LRBA: variants seen among roughly 807,000 people sequenced by gnomAD.
The protein encoded by LRBA is lipopolysaccharide-responsive and beige-like anchor protein.
LRBA carries 176 observed loss-of-function variants against 330.0 expected under a neutral mutation model. The observed-to-expected ratio is 0.53, with a 90% CI of 0.47 to 0.60. LRBA has a LOEUF of 0.60. Among genes scored for constraint, LRBA ranks in the 20% least tolerant of loss-of-function variants. The pLI, the probability that LRBA is intolerant of heterozygous loss-of-function variation, is 0.00. For missense variants in LRBA, 3,259 were observed against 3,444.8 expected, an observed-to-expected ratio of 0.95 and a Z score of 1.35; for synonymous variants, 1,230 against 1,193.0, an observed-to-expected ratio of 1.03 and a Z score of -0.64.
intron 44 of LRBA, among the ~76,000 whole-genome samples, chr4:150,450,400 G>C (rs1200677816): frequency 6.6e-6 from 1 of 152,158 alleles, no homozygotes; most frequent in Non-Finnish European, 1.5e-5. Context: ...GAAGCCTCTA[G>C]AGGAGGATCT....
At chr4:150,754,266 G>GAATAAA (rs1560772978) in intron 35 of LRBA, among the ~76,000 whole-genome samples, 8 of 150,548 alleles carry the variant, frequency 5.3e-5, no homozygotes, top group African/African-American at 2.0e-4. Flanking sequence ...AAATAAATAA[G>GAATAAA]AAACATATGC....
At chr4:150,928,782 G>T in intron 3 of LRBA, 52 bp downstream of exon 3, 1 of 1,471,856 alleles carries the variant, frequency 6.8e-7, no homozygotes, top group Non-Finnish European at 9.4e-7. Context: ...ATATGTATTT[G>T]AAAATCAAAC....
intron 51 of LRBA, among the ~76,000 whole-genome samples, chr4:150,312,851 A>G (rs182377106): frequency 7.9e-5 from 12 of 152,194 alleles, no homozygotes; most frequent in Non-Finnish European, 1.5e-4. Context: ...TTTCCCATCT[A>G]TTTTCCTAAG....
intron 40 of LRBA, among the ~76,000 whole-genome samples, chr4:150,535,643 T>C (rs1358714439): frequency 6.6e-6 from 1 of 152,240 alleles, no homozygotes; most frequent in Non-Finnish European, 1.5e-5. Flanking sequence ...CTTTGGTTCA[T>C]AGATTAGAGA....
At chr4:150,836,786 C>G (rs2126851615) in intron 28 of LRBA, among the ~76,000 whole-genome samples, 1 of 152,244 alleles carries the variant, frequency 6.6e-6, no homozygotes, top group South Asian at 2.1e-4. Flanking sequence ...TTTTGTGTCT[C>G]TATCTCCTTC....
Position 150,350,071 on chromosome 4 carries a change from C to G in LRBA, c.7283G>C (p.Arg2428Pro), listed in dbSNP as rs139563734. Reference protein sequence around the residue: ...GYKQQGPEAVRALNVFYYLTY... With the variant: ...GYKQQGPEAVPALNVFYYLTY... ...CAAGTAATAGAACACATTGAGGGCT[C>G]GGACAGCTTCTGGTCCTTGCTGTTT... is the stretch of plus-strand genomic sequence containing the variant. Residue 2428 changes from arginine (R) to proline (P), a missense_variant, in exon 48 of 57, where the codon CGA (arginine) becomes CCA (proline). Coordinates refer to ENST00000651943, the MANE Select transcript of LRBA (RefSeq NM_001364905.1). 2.0e-5 allele frequency: 33 copies of G among 1,612,686 alleles called. No homozygotes were observed. Among genetic ancestry groups the G allele is most frequent in the African/African-American group, 2.7e-5 (2 of 74,774 alleles).
At chr4:150,895,618 CT>C (rs1176775740) in intron 16 of LRBA, among the ~76,000 whole-genome samples, 1 of 152,098 alleles carries the variant, frequency 6.6e-6, no homozygotes, top group East Asian at 1.9e-4. Flanking sequence ...TGAACTCATC[CT>C]TTTTTATGGC....
At chr4:150,417,428 T>G (rs1309465684) in intron 46 of LRBA, among the ~76,000 whole-genome samples, 2 of 152,194 alleles carry the variant, frequency 1.3e-5, no homozygotes, top group Non-Finnish European at 2.9e-5. Context: ...ATGTTACTAT[T>G]CCCAGGCCTT....
At chr4:151,009,170 C>T (rs1413801079) in intron 2 of LRBA, among the ~76,000 whole-genome samples, 1 of 149,990 alleles carries the variant, frequency 6.7e-6, no homozygotes, top group African/African-American at 2.5e-5. Flanking sequence ...GTGCCCAGCT[C>T]AAATTTTCAA....
At chr4:150,580,218 A>G (rs1463707858) in intron 40 of LRBA, 1 of 152,982 alleles carries the variant, frequency 6.5e-6, no homozygotes, top group African/African-American at 2.4e-5. Context: ...CTGGAGTCCA[A>G]GAGTCGCGCG....
At chr4:150,832,073 C>A (rs1225603924) in intron 28 of LRBA, 97 bp from the exon 29 acceptor site, 2 of 658,840 alleles carry the variant, frequency 3.0e-6, no homozygotes, top group Non-Finnish European at 4.7e-6. Flanking sequence ...GTTCACAAAT[C>A]TTTCAATATA....
intron 33 of LRBA, among the ~76,000 whole-genome samples, chr4:150,800,434 C>T (rs373728637): frequency 1.3e-5 from 2 of 152,230 alleles, no homozygotes; most frequent in African/African-American, 2.4e-5. Context: ...TAGAGGATAG[C>T]CCCAATAAGG....
intron 2 of LRBA, among the ~76,000 whole-genome samples, chr4:150,980,201 T>C (rs1024452531): frequency 2.0e-5 from 3 of 152,088 alleles, no homozygotes; most frequent in African/African-American, 7.2e-5. Flanking sequence ...ATACATCATA[T>C]TAACAGAATG....
intron 37 of LRBA, among the ~76,000 whole-genome samples, chr4:150,679,013 G>A (rs1424712305): frequency 3.3e-5 from 5 of 151,882 alleles, no homozygotes. Context: ...AAAATTAGAG[G>A]TAAAGGATTT....
intron 17 of LRBA, among the ~76,000 whole-genome samples, chr4:150,878,715 A>G (rs954633237): frequency 5.3e-5 from 8 of 152,146 alleles, no homozygotes; most frequent in Non-Finnish European, 7.3e-5. Context: ...GAACACCTCT[A>G]TGCACACAAA....
intron 35 of LRBA, among the ~76,000 whole-genome samples, chr4:150,739,877 A>T (rs908264948): frequency 6.6e-6 from 1 of 152,178 alleles, no homozygotes. Context: ...CTAGTCAAAC[A>T]TCAAATAAGA....
intron 40 of LRBA, among the ~76,000 whole-genome samples, chr4:150,495,396 T>C (rs952697771): frequency 6.6e-6 from 1 of 152,042 alleles, no homozygotes; most frequent in African/African-American, 2.4e-5. Flanking sequence ...AAAAACAGCA[T>C]GAGAGAAAAT....
chr4:150,303,595 G>A (rs532132863), intron 52 of LRBA, among the ~76,000 whole-genome samples: 61 of 150,594 alleles, frequency 4.1e-4, no homozygotes, highest in Admixed American at 1.1e-3. Flanking sequence ...TTTTTGAGGC[G>A]GAGTCTCGTT....
At chr4:150,338,882 T>C (rs1735089363) in intron 48 of LRBA, among the ~76,000 whole-genome samples, 1 of 152,130 alleles carries the variant, frequency 6.6e-6, no homozygotes, top group South Asian at 2.1e-4. Flanking sequence ...TTTATACTTT[T>C]TGTATTATTT....
Sources: gnomAD v4.1 joint callset for allele counts (sites outside exome capture counted in the v4.1 genomes callset) on GRCh38, gnomAD v4.1.1 for gene constraint, MANE v1.5 for transcripts, NCBI Gene and HGNC (gene_info 2026-07-23, HGNC 2026-07-21) for gene names.